The following BRMS1L variants were observed in gnomAD, a reference collection of about 807,000 sequenced individuals.
BRMS1L encodes the protein BRMS1 like transcriptional repressor, also known as breast cancer metastasis-suppressor 1-like protein.
Under a neutral mutation model 50.3 loss-of-function variants are expected in BRMS1L, and 23 were observed. The observed-to-expected ratio is 0.46, with a 90% CI of 0.33 to 0.65. BRMS1L has a LOEUF of 0.65. Among genes scored for constraint, BRMS1L ranks in the 30% least tolerant of loss-of-function variants. The pLI is 0.02. For synonymous variants in BRMS1L, 114 were observed against 126.9 expected, an observed-to-expected ratio of 0.90 and a Z score of 0.69; for missense variants, 286 against 386.1, an observed-to-expected ratio of 0.74 and a Z score of 2.17.
At position 35,826,451 on chromosome 14, in the gene BRMS1L, C is replaced by T; in HGVS notation, c.-66C>T. On this transcript the variant is annotated 5_prime_UTR_variant, in exon 1 of 10. Coordinates refer to ENST00000216807, the MANE Select transcript of BRMS1L (RefSeq NM_032352.4). ...TGGGTGGGTTGGGGCGTTCCGCGCG[C>T]CCTTCATTGAAGCGGCGGTGGCCGG... is the stretch of plus-strand genomic sequence containing the variant. 1 of 1,547,818 alleles carries T rather than the reference C, an allele frequency of 6.5e-7. No individual in the cohort carries two copies. Among genetic ancestry groups the T allele is most frequent in the Admixed American group, 2.0e-5 (1 of 50,886 alleles).
rs144345420 is a variant in BRMS1L at position 35,844,213 on chromosome 14, G to C, written c.441+9290G>C. 6.1e-3 allele frequency among the ~76,000 whole-genome samples: 931 copies of C among 152,266 alleles called. 19 individuals carry two copies. Among genetic ancestry groups the C allele is most frequent in the Admixed American group, 0.045 (689 of 15,280 alleles). Reference sequence around the variant, plus strand: ...AAGTAAATGGTTCTTTCTCGCTGGTGTTCCAGGTACCACTGGGGTATGAAA... The same window carrying C: ...AAGTAAATGGTTCTTTCTCGCTGGTCTTCCAGGTACCACTGGGGTATGAAA... On this transcript the variant is annotated intron_variant, in intron 4 of 9. Transcript: ENST00000216807.
chr14:35,845,592 G>A (rs1430763617), intron 4 of BRMS1L, among the ~76,000 whole-genome samples: 1 of 152,144 alleles, frequency 6.6e-6, no homozygotes, highest in Non-Finnish European at 1.5e-5. Flanking sequence ...AGATTTAATT[G>A]TCAATTCTCA....
chr14:35,826,687 T>G (rs920122245), intron 1 of BRMS1L, 29 bp downstream of exon 1: 6 of 1,603,844 alleles, frequency 3.7e-6, no homozygotes, highest in Non-Finnish European at 5.1e-6. Flanking sequence ...GGACCCTGAG[T>G]CCCCGCGCCC....
rs141962620 is a variant in BRMS1L at position 35,837,012 on chromosome 14, G to A, written c.441+2089G>A. On this transcript the variant is annotated intron_variant, in intron 4 of 9. Transcript: ENST00000216807. The stretch of plus-strand genomic sequence containing the variant: ...AATCTCTTTGTAGCAATTGTAAATG[G>A]GAGTTCACTCATGATTTGGCTATCT... Among the ~76,000 whole-genome samples, 118 of 151,818 alleles carry A rather than the reference G, an allele frequency of 7.8e-4. 1 individual carries two copies. In the East Asian group the frequency reaches 0.02, roughly 26 times the overall value.
At chr14:35,860,588 A>G (rs1039656381) in intron 4 of BRMS1L, among the ~76,000 whole-genome samples, 8 of 152,068 alleles carry the variant, frequency 5.3e-5, no homozygotes, top group African/African-American at 1.9e-4. Flanking sequence ...TTAAAAAAAA[A>G]AAAAAAAAAC....
chr14:35,826,891 G>T (rs2077853230), intron 1 of BRMS1L: 2 of 555,886 alleles, frequency 3.6e-6, no homozygotes, highest in Non-Finnish European at 6.0e-6. Context: ...GCTCCCAAAC[G>T]CGGCGTGGTC....
chr14:35,861,385 G>A (rs2078349026), intron 4 of BRMS1L, among the ~76,000 whole-genome samples: 1 of 152,082 alleles, frequency 6.6e-6, no homozygotes, highest in Admixed American at 6.5e-5. Context: ...TGGGGAGATT[G>A]GATCTATTTA....
At chr14:35,848,582 T>C (rs1418283584) in intron 4 of BRMS1L, among the ~76,000 whole-genome samples, 1 of 152,194 alleles carries the variant, frequency 6.6e-6, no homozygotes, top group Non-Finnish European at 1.5e-5. Context: ...AACTGAAATT[T>C]TGTACCCTTT....
intron 4 of BRMS1L, among the ~76,000 whole-genome samples, chr14:35,843,212 G>A (rs565751867): frequency 3.3e-5 from 5 of 152,148 alleles, no homozygotes; most frequent in African/African-American, 4.8e-5. Context: ...GTCCAGTTTT[G>A]TTCCCTTGCT....
chr14:35,826,824 G>T (rs2077851731), intron 1 of BRMS1L, 166 bp downstream of exon 1: 1 of 993,488 alleles, frequency 1.0e-6, no homozygotes, highest in East Asian at 2.8e-5. Flanking sequence ...GTCGCTGGGC[G>T]CTGTCTGGCT....
At chr14:35,869,927 A>AT (rs2078467664) in intron 9 of BRMS1L, among the ~76,000 whole-genome samples, 2 of 152,114 alleles carry the variant, frequency 1.3e-5, no homozygotes, top group South Asian at 4.1e-4. Context: ...TTATGTAAAG[A>AT]TTAGTAGTGT....
intron 4 of BRMS1L, among the ~76,000 whole-genome samples, chr14:35,841,835 T>A (rs528997780): frequency 6.6e-6 from 1 of 152,324 alleles, no homozygotes; most frequent in Admixed American, 6.5e-5. Context: ...AAGAGCTTCC[T>A]TTATGAATCT....
chr14:35,833,390 T>G (rs1364258845), intron 3 of BRMS1L, among the ~76,000 whole-genome samples: 5 of 152,112 alleles, frequency 3.3e-5, no homozygotes, highest in African/African-American at 9.7e-5. Flanking sequence ...CATGATACTT[T>G]CATTAAGAGA....
chr14:35,837,865 A>T (rs1035166560), intron 4 of BRMS1L, among the ~76,000 whole-genome samples: 10 of 152,096 alleles, frequency 6.6e-5, no homozygotes, highest in African/African-American at 9.7e-5. Context: ...ATTTTAATTT[A>T]AAAAAATTAC....
At chr14:35,862,724 C>A in intron 5 of BRMS1L, 38 bp downstream of exon 5, 1 of 1,473,440 alleles carries the variant, frequency 6.8e-7, no homozygotes, top group Non-Finnish European at 9.4e-7. Flanking sequence ...TTGAGTGGCA[C>A]CAGACCTTTG....
chr14:35,830,133 G>C (rs187284764), intron 1 of BRMS1L, among the ~76,000 whole-genome samples: 3 of 151,970 alleles, frequency 2.0e-5, no homozygotes, highest in African/African-American at 7.3e-5. Context: ...GCAATGGCAC[G>C]ATCTTGGCTC....
intron 4 of BRMS1L, among the ~76,000 whole-genome samples, chr14:35,835,582 C>T (rs1257081929): frequency 6.6e-6 from 1 of 152,114 alleles, no homozygotes. Flanking sequence ...GTGGCTCACA[C>T]CTGTAATCCC....
At chr14:35,834,355 T>C (rs558132858) in intron 3 of BRMS1L, among the ~76,000 whole-genome samples, 1 of 152,264 alleles carries the variant, frequency 6.6e-6, no homozygotes, top group African/African-American at 2.4e-5. Context: ...ATAATTGATT[T>C]TGTTATATCA....
chr14:35,862,559 C>T (rs1301811729), intron 4 of BRMS1L, 31 bp from the exon 5 acceptor site: 6 of 1,472,744 alleles, frequency 4.1e-6, no homozygotes, highest in Admixed American at 2.1e-5. Flanking sequence ...TTTTTTCTTT[C>T]TACTTAAGTA....
Sources: allele counts gnomAD v4.1 joint callset (sites outside exome capture counted in the v4.1 genomes callset), GRCh38; gene constraint gnomAD v4.1.1; transcripts MANE v1.5; gene names NCBI Gene and HGNC (gene_info 2026-07-23, HGNC 2026-07-21).